The following PTPRD variants were observed in gnomAD, a reference collection of about 807,000 sequenced individuals.
PTPRD encodes protein tyrosine phosphatase receptor type D.
A neutral mutation model predicts 214.5 loss-of-function variants in PTPRD; 34 were observed. The ratio of observed to expected loss-of-function variants is 0.16; its 90% CI spans 0.12 to 0.21. PTPRD has a LOEUF of 0.21. Ranked by LOEUF, PTPRD falls within the 10% of genes least tolerant of loss-of-function variation. The probability of loss-of-function intolerance (pLI) is 1.00; values close to 1 mark genes in which losing one functional copy is unlikely to be tolerated. For synonymous variants in PTPRD, 1,128 were observed against 845.7 expected (o/e 1.33, Z -5.79); for missense variants, 2,545 against 2,398.7 (o/e 1.06, Z -1.27).
At chr9:10,255,162 G>A (rs1484961911) in intron 3 of PTPRD, among the ~76,000 whole-genome samples, 1 of 152,188 alleles carries the variant, frequency 6.6e-6, no homozygotes, top group South Asian at 2.1e-4. Context: ...TCTTTCACAT[G>A]AGGTGATTTA....
chr9:8,877,080 C>A (rs2098400297), intron 11 of PTPRD, among the ~76,000 whole-genome samples: 1 of 152,028 alleles, frequency 6.6e-6, no homozygotes, highest in African/African-American at 2.4e-5. Flanking sequence ...ACAAGTGCCA[C>A]CATGTCCAGA....
chr9:10,189,390 G>A (rs2099352611), intron 3 of PTPRD, among the ~76,000 whole-genome samples: 1 of 152,074 alleles, frequency 6.6e-6, no homozygotes, highest in South Asian at 2.1e-4. Context: ...TCCTTACACG[G>A]GGCTATCAGA....
At chr9:8,861,134 G>C (rs902446661) in intron 11 of PTPRD, 2 of 152,104 alleles carry the variant, frequency 1.3e-5, no homozygotes, top group Admixed American at 1.3e-4. Flanking sequence ...AGTCTGTTTT[G>C]GACCCCATCC....
chr9:8,985,904 T>C (rs2099342040), intron 11 of PTPRD, among the ~76,000 whole-genome samples: 1 of 152,096 alleles, frequency 6.6e-6, no homozygotes, highest in African/African-American at 2.4e-5. Flanking sequence ...AAAACAAAAT[T>C]ACTTTTCTTC....
intron 3 of PTPRD, among the ~76,000 whole-genome samples, chr9:10,234,017 C>T (rs1243354647): frequency 2.0e-5 from 3 of 151,656 alleles, no homozygotes; most frequent in East Asian, 2.0e-4. Context: ...CTTTTGGAGG[C>T]CGAGGCGGGT....
At chr9:8,440,568 C>T (rs1319558466) in intron 34 of PTPRD, among the ~76,000 whole-genome samples, 1 of 152,222 alleles carries the variant, frequency 6.6e-6, no homozygotes, top group Non-Finnish European at 1.5e-5. Flanking sequence ...CTGCCTCGGG[C>T]TCCCAAAGTG....
At chr9:9,814,702 T>C (rs971745154) in intron 5 of PTPRD, among the ~76,000 whole-genome samples, 1 of 151,168 alleles carries the variant, frequency 6.6e-6, no homozygotes, top group Middle Eastern at 3.2e-3. Flanking sequence ...TTCCACGCAA[T>C]CCCTACCAAA....
chr9:10,022,638 T>C (rs1205149559), intron 4 of PTPRD, among the ~76,000 whole-genome samples: 1 of 152,172 alleles, frequency 6.6e-6, no homozygotes, highest in Non-Finnish European at 1.5e-5. Context: ...ACACAGTGAG[T>C]ATTTCATTCT....
intron 10 of PTPRD, among the ~76,000 whole-genome samples, chr9:9,044,266 G>A (rs2099661692): frequency 6.6e-6 from 1 of 152,154 alleles, no homozygotes; most frequent in South Asian, 2.1e-4. Flanking sequence ...GTCACCAAAG[G>A]TTTTATGAAT....
intron 9 of PTPRD, among the ~76,000 whole-genome samples, chr9:9,242,531 G>T (rs2099970873): frequency 1.3e-5 from 2 of 152,020 alleles, no homozygotes; most frequent in South Asian, 2.1e-4. Context: ...TTTCTTGGAG[G>T]CTTTGTTTCT....
chr9:9,773,593 T>C (rs1241170255), intron 5 of PTPRD, among the ~76,000 whole-genome samples: 5 of 152,178 alleles, frequency 3.3e-5, no homozygotes, highest in African/African-American at 1.2e-4. Flanking sequence ...CATTATAAGG[T>C]ACATACACTG....
chr9:9,770,472 A>G (rs1398548436), intron 5 of PTPRD, among the ~76,000 whole-genome samples: 1 of 152,314 alleles, frequency 6.6e-6, no homozygotes, highest in East Asian at 1.9e-4. Flanking sequence ...TATTAGTTAT[A>G]TAAAGATGCA....
At chr9:9,165,273 T>C (rs777766817) in intron 10 of PTPRD, among the ~76,000 whole-genome samples, 1 of 152,168 alleles carries the variant, frequency 6.6e-6, no homozygotes, top group Non-Finnish European at 1.5e-5. Context: ...GAAATAAGTA[T>C]GCACATTGAG....
rs557315346 is a variant in PTPRD at position 9,110,847 on chromosome 9, A to C, written c.-143+72457T>G. Among the ~76,000 whole-genome samples the C allele has an allele frequency of 2.5e-4, 38 of 152,268 alleles. No individual in the cohort carries two copies. The South Asian group carries it at 7.3e-3, about 29-fold the overall frequency. On this transcript the variant is annotated intron_variant, in intron 10 of 45. Coordinates refer to ENST00000381196, the MANE Select transcript of PTPRD (RefSeq NM_002839.4). ...GTTTTTGTAAATAAGATTTTACTAGAATGTAGCCACAATCATTCATTTTCA... is the reference window on the plus strand; with the variant it reads ...GTTTTTGTAAATAAGATTTTACTAGCATGTAGCCACAATCATTCATTTTCA...
intron 36 of PTPRD, among the ~76,000 whole-genome samples, chr9:8,402,194 T>C (rs1453466379): frequency 6.6e-6 from 1 of 152,202 alleles, no homozygotes; most frequent in African/African-American, 2.4e-5. Flanking sequence ...ACCTTTTGCA[T>C]AACACTTAAC....
intron 11 of PTPRD, among the ~76,000 whole-genome samples, chr9:8,986,056 G>C (rs2099343701): frequency 6.6e-6 from 1 of 151,972 alleles, no homozygotes; most frequent in Non-Finnish European, 1.5e-5. Flanking sequence ...GAGTCTGTTG[G>C]AAAAAGCTTG....
At chr9:8,531,888 A>G (rs1279746237) in intron 14 of PTPRD, among the ~76,000 whole-genome samples, 1 of 152,092 alleles carries the variant, frequency 6.6e-6, no homozygotes, top group African/African-American at 2.4e-5. Context: ...CCTTGGGGAT[A>G]GCCGACAAAA....
chr9:9,886,222 C>T (rs2070855808), intron 5 of PTPRD, among the ~76,000 whole-genome samples: 1 of 152,038 alleles, frequency 6.6e-6, no homozygotes, highest in Non-Finnish European at 1.5e-5. Flanking sequence ...ACATGTCTGG[C>T]TGCATATCAG....
At chr9:8,348,059 A>T (rs1273917766) in intron 39 of PTPRD, among the ~76,000 whole-genome samples, 1 of 152,184 alleles carries the variant, frequency 6.6e-6, no homozygotes, top group Non-Finnish European at 1.5e-5. Context: ...AAAAAGTGCT[A>T]GAATAGACAA....
Sources: allele counts gnomAD v4.1 joint callset (sites outside exome capture counted in the v4.1 genomes callset), GRCh38; gene constraint gnomAD v4.1.1; transcripts MANE v1.5; gene names NCBI Gene and HGNC (gene_info 2026-07-23, HGNC 2026-07-21).